Variants in SLC30A7 observed in about 807,000 individuals in gnomAD.
The protein encoded by SLC30A7 is solute carrier family 30 member 7.
A neutral mutation model predicts 46.0 loss-of-function variants in SLC30A7; 35 were observed. That is an observed-to-expected ratio of 0.76 (90% confidence interval 0.58 to 1.01). SLC30A7 has a LOEUF of 1.01. Among genes scored for constraint, SLC30A7 ranks in the 50% least tolerant of loss-of-function variants. The pLI, the probability that SLC30A7 is intolerant of heterozygous loss-of-function variation, is 0.00. For missense variants in SLC30A7, 464 were observed against 451.1 expected, an observed-to-expected ratio of 1.03 and a Z score of -0.26; for synonymous variants, 147 against 157.8, an observed-to-expected ratio of 0.93 and a Z score of 0.51.
rs1281728767 is a variant in SLC30A7 at position 100,975,930 on chromosome 1, T to A, written c.*1073T>A. ...GTAATGTATACAAATTGTCTTTTTG[T>A]GTACTTCCAGCATAGGTTTGGATAT... is the stretch of plus-strand genomic sequence containing the variant. On this transcript the variant is annotated 3_prime_UTR_variant, in exon 11 of 11. Coordinates refer to ENST00000357650, the MANE Select transcript of SLC30A7 (RefSeq NM_133496.5). 1.3e-5 allele frequency: 2 copies of A among 152,192 alleles called. No individual in the cohort carries two copies. Among genetic ancestry groups the A allele is most frequent in the Non-Finnish European group, 2.9e-5 (2 of 67,966 alleles). The allele number at this position is 152,192 out of a possible 1,614,324, so 9.4% of individuals were successfully genotyped here.
intron 2 of SLC30A7, among the ~76,000 whole-genome samples, chr1:100,898,897 G>T (rs1651134787): frequency 6.6e-6 from 1 of 152,122 alleles, no homozygotes; most frequent in Admixed American, 6.5e-5. Flanking sequence ...TTGAGAACAT[G>T]AAATAACCAA....
At position 100,977,349 on chromosome 1, in the gene SLC30A7, A is replaced by C. The variant is rs1440262753; in HGVS notation, c.*2492A>C. 1 of 152,210 alleles carries C rather than the reference A, an allele frequency of 6.6e-6. No individual in the cohort carries two copies. Among genetic ancestry groups the C allele is most frequent in the Non-Finnish European group, 1.5e-5 (1 of 68,036 alleles). 9.4% of individuals were successfully genotyped at this position (152,210 alleles called of 1,614,324 possible). A position where few individuals can be genotyped will look rare whatever the true frequency, so the allele number is the denominator to read the frequency against. Reference sequence around the variant, plus strand: ...TTGTTACATTACATTGCCAGCGCATATCATTTAGCAAGTTGGCATTAACAT... The same window carrying C: ...TTGTTACATTACATTGCCAGCGCATCTCATTTAGCAAGTTGGCATTAACAT... On this transcript the variant is annotated 3_prime_UTR_variant, in exon 11 of 11. Coordinates refer to ENST00000357650, the MANE Select transcript of SLC30A7 (RefSeq NM_133496.5).
At chr1:100,932,671 G>C (rs1280963370) in intron 8 of SLC30A7, among the ~76,000 whole-genome samples, 1 of 152,060 alleles carries the variant, frequency 6.6e-6, no homozygotes, top group Non-Finnish European at 1.5e-5. Flanking sequence ...GTTCATTTAA[G>C]GAAACTTACT....
intron 6 of SLC30A7, among the ~76,000 whole-genome samples, chr1:100,914,898 C>G (rs369060653): frequency 3.4e-4 from 52 of 151,976 alleles, no homozygotes; most frequent in Middle Eastern, 3.4e-3. Flanking sequence ...CGCTACTGCA[C>G]TCCAGCCTGG....
chr1:100,942,362 T>G (rs1654398844), intron 8 of SLC30A7, among the ~76,000 whole-genome samples: 1 of 152,176 alleles, frequency 6.6e-6, no homozygotes, highest in Non-Finnish European at 1.5e-5. Flanking sequence ...AGAACATATC[T>G]GTAAAGTCAT....
intron 5 of SLC30A7, among the ~76,000 whole-genome samples, chr1:100,913,034 C>T (rs1652224280): frequency 6.6e-6 from 1 of 152,072 alleles, no homozygotes. Context: ...GGATAGCATC[C>T]ACTCTTTTTC....
At chr1:100,941,979 A>C in intron 8 of SLC30A7, 1 of 251,658 alleles carries the variant, frequency 4.0e-6, no homozygotes, top group East Asian at 9.2e-5. Flanking sequence ...GCTCTTTAGA[A>C]AACTGACTGC....
At chr1:100,995,082 T>C in the SLC30A7 span, 1 of 1,505,346 alleles carries the variant, frequency 6.6e-7, no homozygotes, top group Non-Finnish European at 9.2e-7. Context: ...ATAAAACACA[T>C]GTATGCATTC....
downstream of SLC30A7, among the ~76,000 whole-genome samples, chr1:100,985,716 A>T (rs77405217): frequency 6.6e-6 from 1 of 152,030 alleles, no homozygotes; most frequent in Admixed American, 6.6e-5. Context: ...AAAAAAAAAA[A>T]TGAGTGTGGA....
chr1:100,912,890 AGTG>A (rs1371239256), intron 5 of SLC30A7, among the ~76,000 whole-genome samples: 10 of 151,094 alleles, frequency 6.6e-5, no homozygotes, highest in South Asian at 2.1e-4. Flanking sequence ...AAAAAAAAAA[AGTG>A]TGTGTGTTTA....
chr1:100,907,009 A>G (rs200405378), intron 3 of SLC30A7, 44 bp downstream of exon 3: 31 of 1,264,592 alleles, frequency 2.5e-5, no homozygotes, highest in Admixed American at 5.6e-5. Context: ...AGTATAAGAT[A>G]TACACAAAAA....
At chr1:100,938,257 G>GA (rs763617954) in intron 8 of SLC30A7, among the ~76,000 whole-genome samples, 2 of 152,020 alleles carry the variant, frequency 1.3e-5, no homozygotes, top group Non-Finnish European at 2.9e-5. Context: ...TCTATTTCTA[G>GA]AAAAAAATGT....
At position 100,896,557 on chromosome 1, in the gene SLC30A7, G is replaced by A. The variant is rs202081533; in HGVS notation, c.81-13G>A. Reference sequence around the variant, plus strand: ...TAACTCTCCCGGCTCTTTTCCACGTGTATCATTCCCAGGTCTATACTGTCC... The same window carrying A: ...TAACTCTCCCGGCTCTTTTCCACGTATATCATTCCCAGGTCTATACTGTCC... On this transcript the variant is annotated splice_polypyrimidine_tract_variant and intron_variant, in intron 1 of 10. Coordinates refer to ENST00000357650, the MANE Select transcript of SLC30A7 (RefSeq NM_133496.5). 1 of 1,611,434 alleles carries A rather than the reference G, an allele frequency of 6.2e-7. No individual in the cohort carries two copies. Among genetic ancestry groups the A allele is most frequent in the South Asian group, 1.1e-5 (1 of 90,912 alleles).
At chr1:100,906,805 C>A in intron 2 of SLC30A7, 47 bp from the exon 3 acceptor site, 1 of 1,256,646 alleles carries the variant, frequency 8.0e-7, no homozygotes, top group Non-Finnish European at 1.2e-6. Flanking sequence ...AAGATGCCTA[C>A]TGTTTGGTTT....
chr1:100,929,846 T>G (rs999360800), intron 8 of SLC30A7, among the ~76,000 whole-genome samples: 1 of 152,072 alleles, frequency 6.6e-6, no homozygotes, highest in African/African-American at 2.4e-5. Context: ...AAGAGTGTGA[T>G]TTTTTATTTT....
chr1:100,995,165 A>C, the SLC30A7 span: 1 of 1,540,476 alleles, frequency 6.5e-7, no homozygotes, highest in Non-Finnish European at 9.0e-7. Flanking sequence ...GGAAGTAAAA[A>C]TAGTTCTTTT....
the SLC30A7 span, chr1:100,990,389 C>T: frequency 3.9e-5 from 62 of 1,610,012 alleles, 1 homozygote; most frequent in African/African-American, 5.6e-4. Flanking sequence ...TTACATCAGA[C>T]AATGGTAAAT....
chr1:100,925,205 A>C (rs896932570), intron 8 of SLC30A7, among the ~76,000 whole-genome samples: 1 of 152,228 alleles, frequency 6.6e-6, no homozygotes, highest in East Asian at 1.9e-4. Context: ...AGTTGGTAGA[A>C]AAGCCTTGTG....
At chr1:100,974,681 G>T in intron 10 of SLC30A7, 129 bp from the exon 11 acceptor site, 2 of 593,218 alleles carry the variant, frequency 3.4e-6, no homozygotes, top group Non-Finnish European at 5.3e-6. Flanking sequence ...GAATATATTT[G>T]TTTCTGAAAT....
Sources: gnomAD v4.1 joint callset for allele counts (sites outside exome capture counted in the v4.1 genomes callset) on GRCh38, gnomAD v4.1.1 for gene constraint, MANE v1.5 for transcripts, NCBI Gene and HGNC (gene_info 2026-07-23, HGNC 2026-07-21) for gene names.